Variants in TM7SF3 observed in about 807,000 individuals in gnomAD.
TM7SF3 encodes the protein seven span transmembrane protein.
In TM7SF3, 60 loss-of-function variants were observed where a neutral mutation model predicts 65.5. That is an observed-to-expected ratio of 0.92 (90% CI 0.74 to 1.14). TM7SF3 has a LOEUF of 1.14. Among genes scored for constraint, TM7SF3 ranks in the 50% most tolerant of loss-of-function variants. The pLI, the probability that TM7SF3 is intolerant of heterozygous loss-of-function variation, is 0.00. For missense variants in TM7SF3, 623 were observed against 684.8 expected (o/e 0.91, Z 1.01); for synonymous variants, 264 against 259.6 (o/e 1.02, Z -0.16).
At chr12:26,976,089 T>C (rs1252271141) in intron 10 of TM7SF3, among the ~76,000 whole-genome samples, 171 bp downstream of exon 10, 1 of 152,180 alleles carries the variant, frequency 6.6e-6, no homozygotes, top group Non-Finnish European at 1.5e-5. Flanking sequence ...CATGTGGTAA[T>C]CATAAATAGA....
At chr12:26,981,070 C>T (rs959527855) in intron 7 of TM7SF3, among the ~76,000 whole-genome samples, 3 of 151,916 alleles carry the variant, frequency 2.0e-5, no homozygotes, top group Admixed American at 2.0e-4. Flanking sequence ...TAAAAGAAAC[C>T]CAAACTGTCC....
At chr12:27,009,449 G>A (rs1012171313) in intron 1 of TM7SF3, among the ~76,000 whole-genome samples, 3 of 151,826 alleles carry the variant, frequency 2.0e-5, no homozygotes, top group African/African-American at 7.3e-5. Flanking sequence ...AGAATGTTGA[G>A]ATGTATTATG....
intron 1 of TM7SF3, among the ~76,000 whole-genome samples, chr12:27,004,794 AATTTC>A (rs1203788635): frequency 2.6e-5 from 4 of 152,220 alleles, no homozygotes; most frequent in African/African-American, 9.6e-5. Flanking sequence ...AAAACGTTAC[AATTTC>A]ATTTCTAAAA....
chr12:26,976,109 T>C, intron 10 of TM7SF3, 151 bp downstream of exon 10: 1 of 654,244 alleles, frequency 1.5e-6, no homozygotes, highest in Non-Finnish European at 2.6e-6. Flanking sequence ...AACTTCGTTT[T>C]CACAGTAACA....
At chr12:26,975,425 C>T in intron 11 of TM7SF3, 71 bp downstream of exon 11, 4 of 1,521,918 alleles carry the variant, frequency 2.6e-6, no homozygotes, top group South Asian at 1.2e-5. Flanking sequence ...TTTCCAAGTG[C>T]TCTGGTTAGC....
rs751201773 is a variant in TM7SF3 at position 26,996,791 on chromosome 12, A to C, written c.469T>G (p.Phe157Val). 8 of 1,613,906 alleles carry C rather than the reference A, an allele frequency of 5.0e-6. No homozygotes were observed. Among genetic ancestry groups the C allele is most frequent in the Non-Finnish European group, 6.8e-6 (8 of 1,179,920 alleles). ...GCAAACTTGATAGTCGTTTCAAAGA[A>C]ATTATACTCCAAGTAAATGTTGGGA... ...IDPNIYLEYN[F>V]FETTIKFAPA... The change falls in exon 4 of 12, where the codon TTC (phenylalanine) becomes GTC (valine). Residue 157 changes from phenylalanine to valine, a missense_variant. By Grantham distance (50) the Phe-to-Val change is conservative. Coordinates refer to ENST00000343028, the MANE Select transcript of TM7SF3 (RefSeq NM_016551.3).
intron 5 of TM7SF3, among the ~76,000 whole-genome samples, chr12:26,994,903 A>G (rs1478179504): frequency 6.6e-6 from 1 of 152,194 alleles, no homozygotes; most frequent in African/African-American, 2.4e-5. Context: ...TTCTCAAAAC[A>G]ATGTAATCTT....
intron 6 of TM7SF3, among the ~76,000 whole-genome samples, chr12:26,985,939 C>T (rs1392921593): frequency 6.7e-6 from 1 of 149,254 alleles, no homozygotes; most frequent in African/African-American, 2.5e-5. Context: ...TCTGCCTCAG[C>T]CTCCCTAGTA....
intron 5 of TM7SF3, 107 bp downstream of exon 5, chr12:26,995,130 A>C (rs955392550): frequency 2.9e-5 from 34 of 1,174,288 alleles, no homozygotes; most frequent in African/African-American, 2.6e-4. Context: ...AGTGTCCCCC[A>C]AAAAGGAGAA....
chr12:26,980,663 C>T lies in TM7SF3; in HGVS notation c.956-17G>A. 1 of 1,445,822 alleles carries T rather than the reference C, an allele frequency of 6.9e-7. No individual in the cohort carries two copies. The highest frequency in any genetic ancestry group is 9.5e-7 in the Non-Finnish European group (1 of 1,051,188). 89.6% of individuals were successfully genotyped at this position (1,445,822 alleles called of 1,614,324 possible). On this transcript the variant is annotated splice_polypyrimidine_tract_variant and intron_variant, in intron 7 of 11. Transcript: ENST00000343028. The stretch of plus-strand genomic sequence containing the variant: ...AGAATAATTCTAAGTGGCAAACCAC[C>T]AGGAAAGGAAAAAAGCAAAACAACA...
At chr12:27,000,622 G>T (rs1489811151) in intron 2 of TM7SF3, among the ~76,000 whole-genome samples, 1 of 152,072 alleles carries the variant, frequency 6.6e-6, no homozygotes, top group African/African-American at 2.4e-5. Context: ...ACCACACCTG[G>T]CTAATTTTTT....
chr12:26,985,830 T>TC (rs1940061411), intron 6 of TM7SF3, among the ~76,000 whole-genome samples: 1 of 109,120 alleles, frequency 9.2e-6, no homozygotes, highest in African/African-American at 3.7e-5. Context: ...TTTTTTTTTT[T>TC]TGAGACAGAG....
At chr12:27,009,927 T>C (rs1484657348) in intron 1 of TM7SF3, among the ~76,000 whole-genome samples, 1 of 152,214 alleles carries the variant, frequency 6.6e-6, no homozygotes. Flanking sequence ...TAACATCCAT[T>C]GTACAATTTT....
chr12:26,986,247 A>G (rs1940096026), intron 6 of TM7SF3, among the ~76,000 whole-genome samples: 1 of 152,092 alleles, frequency 6.6e-6, no homozygotes, highest in Non-Finnish European at 1.5e-5. Context: ...CCTATGCTTG[A>G]TATCAAATCA....
intron 8 of TM7SF3, chr12:26,980,320 C>A (rs926373969): frequency 9.2e-6 from 5 of 540,694 alleles, no homozygotes; most frequent in Admixed American, 3.6e-5. Flanking sequence ...ATAGCCAGAA[C>A]ACAGGTCTAT....
Position 27,009,002 on chromosome 12 carries a change from CAAATA to C in TM7SF3, c.91+5071_91+5075del, listed in dbSNP as rs1209961966. On this transcript the variant is annotated intron_variant, in intron 1 of 11. Coordinates refer to ENST00000343028, the MANE Select transcript of TM7SF3 (RefSeq NM_016551.3). ...TACACTTGTGCTCCATAAGTTTATA[CAAATA>C]AAATAATTTAAAAATACCACCATCT... 1.1e-4 allele frequency among the ~76,000 whole-genome samples: 17 copies of C among 152,292 alleles called. 1 individual carries two copies. In the East Asian group the frequency reaches 2.9e-3, roughly 26 times the overall value.
chr12:26,990,749 T>C, intron 5 of TM7SF3, 122 bp from the exon 6 acceptor site: 1 of 704,696 alleles, frequency 1.4e-6, no homozygotes, highest in Non-Finnish European at 2.3e-6. Flanking sequence ...GCTTAAAATA[T>C]ACACCAACCC....
chr12:27,012,249 G>A lies in TM7SF3; in HGVS notation c.91+1829C>T, dbSNP rs61100470. ...AGCTGTTCATTTGTTCCTCTGACAAGGGAGGAAGATCATTACATTGTAGGG... is the reference window on the plus strand; with the variant it reads ...AGCTGTTCATTTGTTCCTCTGACAAAGGAGGAAGATCATTACATTGTAGGG... On this transcript the variant is annotated intron_variant, in intron 1 of 11. Transcript: ENST00000343028. 6.1e-3 allele frequency among the ~76,000 whole-genome samples: 930 copies of A among 152,264 alleles called. 5 individuals carry two copies. The highest frequency in any genetic ancestry group is 0.021 in the African/African-American group (890 of 41,542).
chr12:27,013,938 G>C (rs1941341611), intron 1 of TM7SF3, 140 bp downstream of exon 1: 1 of 748,880 alleles, frequency 1.3e-6, no homozygotes, highest in South Asian at 1.5e-5. Flanking sequence ...ATTCGTGCCG[G>C]TTCTGGACTC....
Sources: allele counts gnomAD v4.1 joint callset (sites outside exome capture counted in the v4.1 genomes callset), GRCh38; gene constraint gnomAD v4.1.1; transcripts MANE v1.5; gene names NCBI Gene and HGNC (gene_info 2026-07-23, HGNC 2026-07-21).